The following RNF144B variants were observed in gnomAD, a reference collection of about 807,000 sequenced individuals.
RNF144B encodes E3 ubiquitin-protein ligase RNF144B.
A neutral mutation model predicts 40.2 loss-of-function variants in RNF144B; 25 were observed. The ratio of observed to expected loss-of-function variants is 0.62; its 90% CI spans 0.45 to 0.87. The LOEUF is 0.87. Among genes scored for constraint, RNF144B ranks in the 40% least tolerant of loss-of-function variants. The pLI, the probability that RNF144B is intolerant of heterozygous loss-of-function variation, is 0.00. For missense variants in RNF144B, 365 were observed against 373.7 expected (o/e 0.98, Z 0.19); for synonymous variants, 145 against 136.3 (o/e 1.06, Z -0.44).
chr6:18,462,937 A>T (rs1204084527), intron 6 of RNF144B, among the ~76,000 whole-genome samples: 1 of 151,624 alleles, frequency 6.6e-6, no homozygotes, highest in African/African-American at 2.4e-5. Context: ...AGTCACTGGC[A>T]TTTTCTCTCT....
chr6:18,458,299 C>T lies in RNF144B; in HGVS notation c.536+940C>T, dbSNP rs933671861. ...AGTGAGAGACCTCTGTGTTTCATTC[C>T]TGCTTTGCTTGAGGCTATCGTTGTT... On this transcript the variant is annotated intron_variant, in intron 5 of 7. Transcript: ENST00000259939. This position sits in a 1 kb window ranked among gnomAD's most constrained non-coding sequence, Gnocchi z 4.8. Among the ~76,000 whole-genome samples the T allele has an allele frequency of 6.6e-6, 1 of 152,154 alleles. No individual in the cohort carries two copies. Among genetic ancestry groups the T allele is most frequent in the Non-Finnish European group, 1.5e-5 (1 of 68,024 alleles).
In RNF144B at chr6:18,468,505, A is replaced by G. The variant is rs2113548295; in HGVS notation, c.*3438A>G. The G allele has an allele frequency of 6.6e-6, 1 of 152,312 alleles. No homozygotes were observed. The highest frequency in any genetic ancestry group is 2.1e-4 in the South Asian group (1 of 4,820). 9.4% of individuals were successfully genotyped at this position (152,312 alleles called of 1,614,324 possible). ...AATGTACATGTTCATTTGAATGTAA[A>G]TCACCATTTCTTGGAACCCCACGTT... On this transcript the variant is annotated 3_prime_UTR_variant, in exon 8 of 8. Transcript: ENST00000259939.
chr6:18,436,324 A>T (rs946075077), intron 3 of RNF144B, among the ~76,000 whole-genome samples: 1 of 152,208 alleles, frequency 6.6e-6, no homozygotes, highest in Non-Finnish European at 1.5e-5. Context: ...ACAGCTAGGT[A>T]CAAGTTGGTT....
chr6:18,431,915 G>A (rs1466726184), intron 3 of RNF144B, among the ~76,000 whole-genome samples: 1 of 152,154 alleles, frequency 6.6e-6, no homozygotes, highest in African/African-American at 2.4e-5. Context: ...TATCTATGAA[G>A]AGTAGCCTCC....
At position 18,459,413 on chromosome 6, in the gene RNF144B, G is replaced by A. The variant is rs1251782362; in HGVS notation, c.537-194G>A. On this transcript the variant is annotated intron_variant, in intron 5 of 7. Coordinates refer to ENST00000259939, the MANE Select transcript of RNF144B (RefSeq NM_182757.4). This position sits in a 1 kb window ranked among gnomAD's most constrained non-coding sequence, Gnocchi z 4.2. ...GGAAACTGTAATTATATAATTCACT[G>A]AAAGCCAAAATAAATAAAGATTCCT... Among the ~76,000 whole-genome samples, 1 of 152,134 alleles carries A rather than the reference G, an allele frequency of 6.6e-6. No individual in the cohort carries two copies. Among genetic ancestry groups the A allele is most frequent in the Non-Finnish European group, 1.5e-5 (1 of 68,012 alleles).
Position 18,410,235 on chromosome 6 carries a change from C to T in RNF144B, c.165+10536C>T, listed in dbSNP as rs1452614171. Among the ~76,000 whole-genome samples the T allele has an allele frequency of 6.6e-6, 1 of 152,172 alleles. No individual in the cohort carries two copies. Among genetic ancestry groups the T allele is most frequent in the Non-Finnish European group, 1.5e-5 (1 of 68,032 alleles). On this transcript the variant is annotated intron_variant, in intron 2 of 7. Coordinates refer to ENST00000259939, the MANE Select transcript of RNF144B (RefSeq NM_182757.4). The surrounding 1 kb of genome is among the most constrained non-coding windows in gnomAD (Gnocchi z 4.6). ...AGTTGCACCCTTATTCCAATATTCTCTAAGTCTATTCCCACCTTTGTCCAG... is the reference window on the plus strand; with the variant it reads ...AGTTGCACCCTTATTCCAATATTCTTTAAGTCTATTCCCACCTTTGTCCAG...
chr6:18,462,078 G>A (rs1759467926), intron 6 of RNF144B, among the ~76,000 whole-genome samples: 3 of 151,966 alleles, frequency 2.0e-5, no homozygotes, highest in South Asian at 2.1e-4. Context: ...CCATGCATTC[G>A]GCTGTGTCAC....
In RNF144B at chr6:18,444,119, G is replaced by T. The variant is rs1233157965; in HGVS notation, c.331+4375G>T. ...GTCCTCTGCTTTGTGTTACGTATTT[G>T]CTCAGCTTGTCCTTTATGTCTTTAA... On this transcript the variant is annotated intron_variant, in intron 4 of 7. Coordinates refer to ENST00000259939, the MANE Select transcript of RNF144B (RefSeq NM_182757.4). The surrounding 1 kb of genome is among the most constrained non-coding windows in gnomAD (Gnocchi z 4.3). 6.6e-6 allele frequency among the ~76,000 whole-genome samples: 1 copy of T among 152,096 alleles called. No homozygotes were observed. The highest frequency in any genetic ancestry group is 2.4e-5 in the African/African-American group (1 of 41,408).
chr6:18,439,096 A>G (rs189766676), intron 3 of RNF144B, among the ~76,000 whole-genome samples: 7 of 152,292 alleles, frequency 4.6e-5, no homozygotes, highest in African/African-American at 1.7e-4. Flanking sequence ...ATAGGAGTCT[A>G]GTTGCAAGAA....
chr6:18,430,824 G>T (rs1338802806), intron 3 of RNF144B, among the ~76,000 whole-genome samples: 1 of 151,546 alleles, frequency 6.6e-6, no homozygotes, highest in Non-Finnish European at 1.5e-5. Flanking sequence ...CCCCTCCTTT[G>T]TTCTCCTTAT....
chr6:18,412,951 T>G lies in RNF144B; in HGVS notation c.165+13252T>G, dbSNP rs1795077430. On this transcript the variant is annotated intron_variant, in intron 2 of 7. Coordinates refer to ENST00000259939, the MANE Select transcript of RNF144B (RefSeq NM_182757.4). The surrounding 1 kb of genome is among the most constrained non-coding windows in gnomAD (Gnocchi z 4.2). ...TTTTCAATCTGCTTAAACCTCATTTTATTCATCTGTTTAAAAAAATTACGG... is the reference window on the plus strand; with the variant it reads ...TTTTCAATCTGCTTAAACCTCATTTGATTCATCTGTTTAAAAAAATTACGG... Among the ~76,000 whole-genome samples, 1 of 152,240 alleles carries G rather than the reference T, an allele frequency of 6.6e-6. No homozygotes were observed. Among genetic ancestry groups the G allele is most frequent in the Non-Finnish European group, 1.5e-5 (1 of 68,046 alleles).
rs1759328127 is a variant in RNF144B, at chr6:18,456,482, C to T, written c.332-673C>T. On this transcript the variant is annotated intron_variant, in intron 4 of 7. Transcript: ENST00000259939. The surrounding 1 kb of genome is among the most constrained non-coding windows in gnomAD (Gnocchi z 4.7). ...AAATTTGCTTTTTATGTCCAATTCT[C>T]TTCCAAGATAGTGCCCAAATAATTG... Among the ~76,000 whole-genome samples the T allele has an allele frequency of 6.6e-6, 1 of 152,210 alleles. No homozygotes were observed. The highest frequency in any genetic ancestry group is 1.5e-5 in the Non-Finnish European group (1 of 68,042).
In RNF144B at chr6:18,406,225, TGA is replaced by T; in HGVS notation, c.165+6528_165+6529del. The T allele has an allele frequency of 2.0e-6, 1 of 507,702 alleles. No individual in the cohort carries two copies. The highest frequency in any genetic ancestry group is 3.9e-6 in the Non-Finnish European group (1 of 254,054). 31.4% of individuals were successfully genotyped at this position (507,702 alleles called of 1,614,324 possible). On this transcript the variant is annotated intron_variant, in intron 2 of 7. Transcript: ENST00000259939. The surrounding 1 kb of genome is among the most constrained non-coding windows in gnomAD (Gnocchi z 4.2). ...TGGTTTGTGCTATGGAAAAATAGGG[TGA>T]GGGGGGTCAGGAGTGCTGTGGGGAA...
At position 18,387,359 on chromosome 6, in the gene RNF144B, C is replaced by G; in HGVS notation, c.-308C>G. 1 of 1,150,766 alleles carries G rather than the reference C, an allele frequency of 8.7e-7. No individual in the cohort carries two copies. Among genetic ancestry groups the G allele is most frequent in the Non-Finnish European group, 1.1e-6 (1 of 920,280 alleles). The allele number at this position is 1,150,766 out of a possible 1,614,324, so 71.3% of individuals were successfully genotyped here. On this transcript the variant is annotated 5_prime_UTR_variant, in exon 1 of 8. Transcript: ENST00000259939. Reference sequence around the variant, plus strand: ...TGCTACCGCTGCTGGCGAGCTGTGCCCCACGCTCCCGCTGCAACAGTCCCG... The same window carrying G: ...TGCTACCGCTGCTGGCGAGCTGTGCGCCACGCTCCCGCTGCAACAGTCCCG...
In RNF144B at chr6:18,459,696, T is replaced by C; in HGVS notation, c.626T>C (p.Met209Thr). The change falls in exon 6 of 8, where the codon ATG (methionine) becomes ACG (threonine). Residue 209 changes from methionine to threonine, a missense_variant. By Grantham distance (81) the Met-to-Thr change is moderately conservative. Transcript: ENST00000259939. This position sits in a 1 kb window ranked among gnomAD's most constrained non-coding sequence, Gnocchi z 4.2. ...GAACGCAATGAAGGCTGCGCTCAGA[T>C]GATGTGCAAAAACTGCAAGCATACA... The part of the protein sequence containing the change: ...YIERNEGCAQ[M>T]MCKNCKHTFC... 1 of 1,614,164 alleles carries C rather than the reference T, an allele frequency of 6.2e-7. No homozygotes were observed. The highest frequency in any genetic ancestry group is 8.5e-7 in the Non-Finnish European group (1 of 1,179,998).
intron 2 of RNF144B, among the ~76,000 whole-genome samples, chr6:18,424,030 T>C (rs187578140): frequency 3.2e-4 from 49 of 152,366 alleles, no homozygotes; most frequent in African/African-American, 1.1e-3. Context: ...TAGTGATTAT[T>C]TTATTTTGCC....
intron 1 of RNF144B, among the ~76,000 whole-genome samples, chr6:18,390,453 C>G (rs542444531): frequency 6.6e-6 from 1 of 152,168 alleles, no homozygotes; most frequent in African/African-American, 2.4e-5. Flanking sequence ...GCTTCTGCAA[C>G]GTGGAATGAG....
chr6:18,420,573 G>A (rs776383808), intron 2 of RNF144B, among the ~76,000 whole-genome samples: 1 of 152,096 alleles, frequency 6.6e-6, no homozygotes, highest in African/African-American at 2.4e-5. Flanking sequence ...TGTTACCTAC[G>A]GTCATCATAG....
chr6:18,423,838 C>G (rs1758489527), intron 2 of RNF144B, among the ~76,000 whole-genome samples: 1 of 152,134 alleles, frequency 6.6e-6, no homozygotes, highest in Non-Finnish European at 1.5e-5. Flanking sequence ...AAAATGTTGA[C>G]TATACAAAAG....
Sources: allele counts gnomAD v4.1 joint callset (sites outside exome capture counted in the v4.1 genomes callset), GRCh38; gene constraint gnomAD v4.1.1; non-coding constraint Gnocchi (gnomAD v3.1); transcripts MANE v1.5; gene names NCBI Gene and HGNC (gene_info 2026-07-23, HGNC 2026-07-21).